The following NFATC2 variants were observed in gnomAD, a reference collection of about 807,000 sequenced individuals.
NFATC2 encodes the protein nuclear factor of activated T-cells, cytoplasmic 2.
A neutral mutation model predicts 87.3 loss-of-function variants in NFATC2; 22 were observed. The ratio of observed to expected loss-of-function variants is 0.25; its 90% CI spans 0.18 to 0.36. The LOEUF is 0.36. NFATC2 is among the 10% of genes least tolerant of loss of function. NFATC2 has a pLI of 1.00. For missense variants in NFATC2, 1,149 were observed against 1,259.1 expected, an observed-to-expected ratio of 0.91 and a Z score of 1.32; for synonymous variants, 565 against 542.2, an observed-to-expected ratio of 1.04 and a Z score of -0.58.
intron 3 of NFATC2, among the ~76,000 whole-genome samples, chr20:51,491,877 T>TACACACAC (rs33936990): frequency 4.0e-4 from 23 of 57,376 alleles, no homozygotes; most frequent in Non-Finnish European, 6.6e-4. Flanking sequence ...CACATACACA[T>TACACACAC]ACACACACAC....
chr20:51,527,706 A>G (rs1237067934), intron 1 of NFATC2, among the ~76,000 whole-genome samples: 3 of 152,236 alleles, frequency 2.0e-5, no homozygotes, highest in Non-Finnish European at 4.4e-5. Context: ...ATAGAAGGCT[A>G]TAACTCTAGA....
Position 51,493,976 on chromosome 20 carries a change from C to T in NFATC2, c.1333-18316G>A, listed in dbSNP as rs117409105. Among the ~76,000 whole-genome samples the T allele has an allele frequency of 3.0e-3, 451 of 152,288 alleles. 11 individuals carry two copies. In the East Asian group the frequency reaches 0.061, roughly 21 times the overall value. ...AAAGGGGAAAATAACAGATGCCCAT[C>T]CCATGCCCCATGAGCTGTGGCAAAG... On this transcript the variant is annotated intron_variant, in intron 3 of 10. Coordinates refer to ENST00000371564, the MANE Select transcript of NFATC2 (RefSeq NM_012340.5).
At chr20:51,476,655 C>T (rs1988742699) in intron 3 of NFATC2, among the ~76,000 whole-genome samples, 1 of 152,104 alleles carries the variant, frequency 6.6e-6, no homozygotes, top group African/African-American at 2.4e-5. Flanking sequence ...AGTTAATTTG[C>T]CACAAAATCT....
chr20:51,409,213 A>G lies in NFATC2; in HGVS notation c.2723-10483T>C, dbSNP rs117821696. Among the ~76,000 whole-genome samples the G allele has an allele frequency of 9.8e-3, 1,499 of 152,336 alleles. 8 individuals carry two copies. The highest frequency in any genetic ancestry group is 0.017 in the Non-Finnish European group (1,138 of 68,044). On this transcript the variant is annotated intron_variant, in intron 9 of 10. Coordinates refer to ENST00000371564, the MANE Select transcript of NFATC2 (RefSeq NM_012340.5). ...GGAAGTGTGTGTACACCCTGTGACC[A>G]TGCAACTCTGCTTGTCAGTATAACC...
intron 1 of NFATC2, among the ~76,000 whole-genome samples, chr20:51,559,407 C>G (rs1239751153): frequency 6.6e-6 from 1 of 152,228 alleles, no homozygotes; most frequent in African/African-American, 2.4e-5. Context: ...CAGAACCAGG[C>G]TCTGGTCCCA....
intron 6 of NFATC2, among the ~76,000 whole-genome samples, chr20:51,445,381 G>T (rs1292690537): frequency 6.6e-6 from 1 of 152,124 alleles, no homozygotes; most frequent in Non-Finnish European, 1.5e-5. Flanking sequence ...ACCTTCAGGG[G>T]TCTGCTGAAA....
At chr20:51,489,590 G>A (rs980779489) in intron 3 of NFATC2, among the ~76,000 whole-genome samples, 1 of 152,186 alleles carries the variant, frequency 6.6e-6, no homozygotes, top group Non-Finnish European at 1.5e-5. Context: ...TGCAAAGACA[G>A]TAAGACAACC....
At chr20:51,545,059 A>T (rs768465979), upstream of NFATC2, among the ~76,000 whole-genome samples, 3 of 152,234 alleles carry the variant, frequency 2.0e-5, no homozygotes, top group Non-Finnish European at 4.4e-5. Context: ...TAGGATACTT[A>T]TAGACAGGTA....
chr20:51,515,249 A>G (rs573789855), intron 3 of NFATC2, among the ~76,000 whole-genome samples: 12 of 152,314 alleles, frequency 7.9e-5, no homozygotes, highest in African/African-American at 2.9e-4. Context: ...AGGGGCTGCT[A>G]TGGGGTGGAG....
At chr20:51,397,514 A>G (rs1367078894) in intron 10 of NFATC2, among the ~76,000 whole-genome samples, 4 of 152,190 alleles carry the variant, frequency 2.6e-5, no homozygotes, top group Admixed American at 2.0e-4. Flanking sequence ...TTAAAAAGGC[A>G]TCGCCCTTCG....
At chr20:51,528,266 A>G (rs1385110035) in intron 1 of NFATC2, among the ~76,000 whole-genome samples, 1 of 152,204 alleles carries the variant, frequency 6.6e-6, no homozygotes, top group Admixed American at 6.5e-5. Flanking sequence ...GGGATACAGT[A>G]TAGCTACAAA....
intron 3 of NFATC2, among the ~76,000 whole-genome samples, chr20:51,498,592 C>T (rs2076028290): frequency 6.6e-6 from 1 of 151,958 alleles, no homozygotes; most frequent in Admixed American, 6.6e-5. Flanking sequence ...GAGGCCAGAT[C>T]ACTGGCCAAC....
At chr20:51,517,866 G>A (rs118019141) in intron 2 of NFATC2, among the ~76,000 whole-genome samples, 2,382 of 147,248 alleles carry the variant, frequency 0.016, 24 homozygotes, top group Middle Eastern at 0.053. Context: ...GCAGTCAGCT[G>A]AAATTGCGCC....
chr20:51,523,486 C>T lies in NFATC2; in HGVS notation c.755G>A (p.Arg252Gln), dbSNP rs1432250719. ...CAAGGCCTCGGCGCACGAATGCCTCCGCTTGGCACCAGGCGATGAGGAGCG... is the reference window on the plus strand; with the variant it reads ...CAAGGCCTCGGCGCACGAATGCCTCTGCTTGGCACCAGGCGATGAGGAGCG... Reference protein sequence around the residue: ...ASRSSSPGAKRRHSCAEALVA... With the variant: ...ASRSSSPGAKQRHSCAEALVA... The change falls in exon 2 of 11, where the codon CGG (arginine) becomes CAG (glutamine). Residue 252 changes from arginine (R) to glutamine (Q), a missense_variant. Arg to Gln is a conservative substitution (Grantham distance 43, BLOSUM62 1). Transcript: ENST00000371564. The surrounding 1 kb of genome is among the most constrained non-coding windows in gnomAD (Gnocchi z 6.9). 1.9e-6 allele frequency: 3 copies of T among 1,611,848 alleles called. No homozygotes were observed. The highest frequency in any genetic ancestry group is 1.3e-5 in the African/African-American group (1 of 74,964).
At chr20:51,494,701 G>A (rs918906885) in intron 3 of NFATC2, among the ~76,000 whole-genome samples, 1 of 152,210 alleles carries the variant, frequency 6.6e-6, no homozygotes, top group African/African-American at 2.4e-5. Context: ...TGGCAGAGAG[G>A]TGACAGGCTG....
At chr20:51,460,464 G>A (rs191124786) in intron 5 of NFATC2, among the ~76,000 whole-genome samples, 1 of 152,278 alleles carries the variant, frequency 6.6e-6, no homozygotes, top group East Asian at 1.9e-4. Context: ...GGGTCAGCAA[G>A]GTTAGCAACA....
intron 9 of NFATC2, among the ~76,000 whole-genome samples, chr20:51,414,060 C>G (rs1195671531): frequency 6.6e-6 from 1 of 152,148 alleles, no homozygotes; most frequent in Non-Finnish European, 1.5e-5. Flanking sequence ...CAGTTTCATG[C>G]CTGGTTATTC....
chr20:51,536,144 T>G (rs1445937501), intron 1 of NFATC2, among the ~76,000 whole-genome samples: 1 of 152,208 alleles, frequency 6.6e-6, no homozygotes, highest in African/African-American at 2.4e-5. Context: ...AGTTTTCCAA[T>G]GAGTATAATC....
At chr20:51,443,001 C>G (rs925995174) in intron 6 of NFATC2, among the ~76,000 whole-genome samples, 3 of 152,172 alleles carry the variant, frequency 2.0e-5, no homozygotes, top group African/African-American at 4.8e-5. Context: ...CTCTACCCAG[C>G]TTTCCTCCCC....
Sources: gnomAD v4.1 joint callset for allele counts (sites outside exome capture counted in the v4.1 genomes callset) on GRCh38, gnomAD v4.1.1 for gene constraint, Gnocchi (gnomAD v3.1) non-coding constraint, MANE v1.5 for transcripts, NCBI Gene and HGNC (gene_info 2026-07-23, HGNC 2026-07-21) for gene names.